The following CD96 variants were observed in gnomAD, a reference collection of about 807,000 sequenced individuals.
The protein encoded by CD96 is T-cell surface protein tactile.
CD96 carries 70 observed loss-of-function variants against 71.3 expected under a neutral mutation model. That is an observed-to-expected ratio of 0.98 (90% CI 0.81 to 1.20). The LOEUF is 1.20. CD96 is among the 50% of genes most tolerant of loss of function. CD96 has a pLI of 0.00. For synonymous variants in CD96, 248 were observed against 233.0 expected, an observed-to-expected ratio of 1.06 and a Z score of -0.59; for missense variants, 742 against 677.5, an observed-to-expected ratio of 1.10 and a Z score of -1.06.
intron 13 of CD96, among the ~76,000 whole-genome samples, chr3:111,649,492 A>G (rs767908971): frequency 6.6e-6 from 1 of 152,262 alleles, no homozygotes; most frequent in Non-Finnish European, 1.5e-5. Context: ...TTCTTTGCAA[A>G]CTACAAAATA....
chr3:111,657,468 T>A (rs1268915479), intron 14 of CD96, among the ~76,000 whole-genome samples: 1 of 151,838 alleles, frequency 6.6e-6, no homozygotes, highest in Non-Finnish European at 1.5e-5. Flanking sequence ...TGACTATATA[T>A]TTGACTATAT....
chr3:111,653,827 G>A (rs533855579), downstream of CD96, among the ~76,000 whole-genome samples: 6 of 148,756 alleles, frequency 4.0e-5, no homozygotes, highest in South Asian at 1.3e-3. Flanking sequence ...TTTTTTTTAT[G>A]CCTTGGTAGT....
At chr3:111,594,069 G>A (rs1331399025) in intron 5 of CD96, 2 of 1,614,010 alleles carry the variant, frequency 1.2e-6, no homozygotes, top group Non-Finnish European at 1.7e-6. Flanking sequence ...TGGGGCATTG[G>A]AGTGGGCATA....
intron 5 of CD96, among the ~76,000 whole-genome samples, chr3:111,587,474 T>C (rs1295373594): frequency 6.6e-6 from 1 of 152,022 alleles, no homozygotes; most frequent in East Asian, 1.9e-4. Context: ...TGATGATGAG[T>C]TTCTGCAGCT....
At chr3:111,619,456 T>A (rs1232997642) in intron 8 of CD96, among the ~76,000 whole-genome samples, 1 of 152,212 alleles carries the variant, frequency 6.6e-6, no homozygotes, top group Non-Finnish European at 1.5e-5. Flanking sequence ...TAACTCTGGA[T>A]ACTTGCAAGA....
At chr3:111,632,077 A>T (rs950834267) in intron 10 of CD96, among the ~76,000 whole-genome samples, 2 of 152,216 alleles carry the variant, frequency 1.3e-5, no homozygotes, top group African/African-American at 4.8e-5. Context: ...TTTCATGATG[A>T]AGATGCCAAA....
chr3:111,594,092 G>C lies in CD96; in HGVS notation c.808-4028G>C, dbSNP rs964126153. 1.1e-5 allele frequency: 18 copies of C among 1,614,024 alleles called. No homozygotes were observed. In the Admixed American group the frequency reaches 2.7e-4, roughly 24 times the overall value. The stretch of plus-strand genomic sequence containing the variant: ...TGGAGTGGGCATAGCACTCACAAAA[G>C]GGCCAACCAGTTCTCCTGTCTCACT... On this transcript the variant is annotated intron_variant, in intron 5 of 13. Coordinates refer to ENST00000352690, the MANE Select transcript of CD96 (RefSeq NM_005816.5).
At position 111,601,844 on chromosome 3, in the gene CD96, A is replaced by G. The variant is rs796576960; in HGVS notation, c.1087+930A>G. 2.5e-4 allele frequency among the ~76,000 whole-genome samples: 38 copies of G among 152,294 alleles called. 1 individual carries two copies. Among genetic ancestry groups the G allele is most frequent in the African/African-American group, 9.1e-4 (38 of 41,560 alleles). On this transcript the variant is annotated intron_variant, in intron 7 of 13. Coordinates refer to ENST00000352690, the MANE Select transcript of CD96 (RefSeq NM_005816.5). The stretch of plus-strand genomic sequence containing the variant: ...ATCTTGGGTTCTGTCCAGCTCCTTC[A>G]CAGGTGCAGTGGTTGGTTATGAAGA...
chr3:111,579,335 G>A (rs931313838), intron 4 of CD96, 101 bp downstream of exon 4: 3 of 778,704 alleles, frequency 3.9e-6, no homozygotes, highest in Non-Finnish European at 7.1e-6. Context: ...GCAGCCACAT[G>A]TGGGTAACAG....
intron 2 of CD96, among the ~76,000 whole-genome samples, chr3:111,553,325 C>T (rs529087860): frequency 6.6e-6 from 1 of 151,652 alleles, no homozygotes; most frequent in Non-Finnish European, 1.5e-5. Context: ...GGATTTTGCT[C>T]TTATAGTCCC....
chr3:111,615,338 A>G (rs73852839), intron 8 of CD96, among the ~76,000 whole-genome samples: 4 of 152,332 alleles, frequency 2.6e-5, no homozygotes, highest in African/African-American at 9.6e-5. Flanking sequence ...TGCTTGAGGA[A>G]CATGAAGGGA....
intron 4 of CD96, among the ~76,000 whole-genome samples, chr3:111,585,026 CCTTAATCATTGCA>C (rs1248215392): frequency 6.6e-6 from 1 of 152,104 alleles, no homozygotes; most frequent in Non-Finnish European, 1.5e-5. Context: ...TCCTACATGT[CCTTAATCATTGCA>C]CTTATCTCAG....
intron 8 of CD96, among the ~76,000 whole-genome samples, chr3:111,620,164 T>C (rs886133122): frequency 6.6e-6 from 1 of 152,212 alleles, no homozygotes; most frequent in African/African-American, 2.4e-5. Flanking sequence ...TGGGAAAGCT[T>C]TCCTGGGATT....
At chr3:111,625,538 C>T (rs1203455207) in intron 10 of CD96, among the ~76,000 whole-genome samples, 1 of 151,724 alleles carries the variant, frequency 6.6e-6, no homozygotes, top group African/African-American at 2.4e-5. Flanking sequence ...GGAGACTGTT[C>T]AGCAAAAGGA....
chr3:111,636,998 T>C (rs1469394200), intron 10 of CD96, among the ~76,000 whole-genome samples, 198 bp from the exon 11 acceptor site: 1 of 152,192 alleles, frequency 6.6e-6, no homozygotes, highest in Non-Finnish European at 1.5e-5. Flanking sequence ...TTCCCCATTA[T>C]AGACATCTGA....
intron 5 of CD96, chr3:111,593,707 C>G (rs761434494): frequency 6.2e-7 from 1 of 1,614,148 alleles, no homozygotes; most frequent in Non-Finnish European, 8.5e-7. Context: ...ATTCCACTGC[C>G]CTTTCCCTCC....
intron 8 of CD96, among the ~76,000 whole-genome samples, chr3:111,622,023 G>A (rs1938540790): frequency 6.6e-6 from 1 of 152,214 alleles, no homozygotes. Context: ...ATCTGGTACT[G>A]ATGGCTCAGT....
At position 111,629,840 on chromosome 3, in the gene CD96, G is replaced by A. The variant is rs369575737; in HGVS notation, c.1321+5436G>A. On this transcript the variant is annotated intron_variant, in intron 10 of 13. Coordinates refer to ENST00000352690, the MANE Select transcript of CD96 (RefSeq NM_005816.5). ...CTCTCAGACCACAGCACAATCAAAT[G>A]AGAACTCAAGATTAAGAAATTCACT... 1.2e-4 allele frequency among the ~76,000 whole-genome samples: 18 copies of A among 152,072 alleles called. No individual in the cohort carries two copies. In the East Asian group the frequency reaches 3.1e-3, roughly 26 times the overall value.
intron 4 of CD96, among the ~76,000 whole-genome samples, chr3:111,583,136 A>C (rs1222623947): frequency 6.6e-6 from 1 of 152,246 alleles, no homozygotes; most frequent in African/African-American, 2.4e-5. Context: ...AAATGGGAGA[A>C]ATTGGCCAAA....
Sources: gnomAD v4.1 joint callset for allele counts (sites outside exome capture counted in the v4.1 genomes callset) on GRCh38, gnomAD v4.1.1 for gene constraint, MANE v1.5 for transcripts, NCBI Gene and HGNC (gene_info 2026-07-23, HGNC 2026-07-21) for gene names.